Variants in CFAP20DC observed in about 807,000 individuals in gnomAD.
CFAP20DC encodes protein CFAP20DC.
CFAP20DC carries 84 observed loss-of-function variants against 101.7 expected under a neutral mutation model. The observed-to-expected ratio is 0.83, with a 90% CI of 0.69 to 0.99. The LOEUF (loss-of-function observed/expected upper bound fraction) is 0.99. Among genes scored for constraint, CFAP20DC ranks in the 50% least tolerant of loss-of-function variants. The pLI is 0.00. For synonymous variants in CFAP20DC, 359 were observed against 351.2 expected, an observed-to-expected ratio of 1.02 and a Z score of -0.25; for missense variants, 1,007 against 970.3, an observed-to-expected ratio of 1.04 and a Z score of -0.50.
rs2082533125 is a variant in CFAP20DC, at chr3:58,894,743, A to C, written c.551-10034T>G. ...GAGTCTGTGTGGTGGCTCCAATCCC[A>C]CATTTCCCTTCTGCACTGCCCTAGC... On this transcript the variant is annotated intron_variant, in intron 6 of 16. Coordinates refer to ENST00000482387, the MANE Select transcript of CFAP20DC (RefSeq NM_001394063.1). The surrounding 1 kb of genome is among the most constrained non-coding windows in gnomAD (Gnocchi z 4.1). Among the ~76,000 whole-genome samples, 2 of 152,150 alleles carry C rather than the reference A, an allele frequency of 1.3e-5. No homozygotes were observed. The highest frequency in any genetic ancestry group is 4.8e-5 in the African/African-American group (2 of 41,446).
At chr3:58,754,934 G>A (rs2068829279) in intron 15 of CFAP20DC, among the ~76,000 whole-genome samples, 1 of 152,122 alleles carries the variant, frequency 6.6e-6, no homozygotes, top group Non-Finnish European at 1.5e-5. Context: ...TACAGAATTA[G>A]CACTCAATAA....
intron 15 of CFAP20DC, among the ~76,000 whole-genome samples, chr3:58,760,824 T>C (rs2069498015): frequency 6.6e-6 from 1 of 152,240 alleles, no homozygotes; most frequent in Non-Finnish European, 1.5e-5. Flanking sequence ...TCTGTTTACA[T>C]GCTGGATTAC....
rs115479260 is a variant in CFAP20DC, at chr3:58,831,939, G to A, written c.1972-50C>T. 308 of 1,515,170 alleles carry A rather than the reference G, an allele frequency of 2.0e-4. 2 individuals carry two copies. The African/African-American group carries it at 3.6e-3, about 17-fold the overall frequency. 93.9% of individuals were successfully genotyped at this position (1,515,170 alleles called of 1,614,324 possible). ...AAAGGGTCATTTGGCCTAATTCTACGGCTACTAACAAATGCCACAGCCTTA... is the reference window on the plus strand; with the variant it reads ...AAAGGGTCATTTGGCCTAATTCTACAGCTACTAACAAATGCCACAGCCTTA... On this transcript the variant is annotated intron_variant, in intron 13 of 16. Coordinates refer to ENST00000482387, the MANE Select transcript of CFAP20DC (RefSeq NM_001394063.1).
chr3:58,743,866 C>T (rs568623509), intron 16 of CFAP20DC, among the ~76,000 whole-genome samples: 2 of 152,240 alleles, frequency 1.3e-5, no homozygotes, highest in South Asian at 4.1e-4. Context: ...TAAAACTGTA[C>T]CACAGCCACT....
chr3:58,919,584 A>G (rs1019899897), intron 5 of CFAP20DC, among the ~76,000 whole-genome samples: 1 of 152,242 alleles, frequency 6.6e-6, no homozygotes, highest in Non-Finnish European at 1.5e-5. Context: ...TCTACGGATC[A>G]ATATAGAGAG....
chr3:58,989,802 A>G (rs1477487767), intron 4 of CFAP20DC, among the ~76,000 whole-genome samples: 1 of 152,188 alleles, frequency 6.6e-6, no homozygotes, highest in East Asian at 1.9e-4. Context: ...TGCTTACCAT[A>G]TATGGCTTCA....
intron 15 of CFAP20DC, among the ~76,000 whole-genome samples, chr3:58,791,416 T>C (rs2072842909): frequency 6.6e-6 from 1 of 152,174 alleles, no homozygotes; most frequent in Non-Finnish European, 1.5e-5. Context: ...ACTAATGTCA[T>C]AAGGATATAA....
chr3:58,989,217 T>C (rs779267857), intron 4 of CFAP20DC, among the ~76,000 whole-genome samples: 1 of 152,126 alleles, frequency 6.6e-6, no homozygotes, highest in Non-Finnish European at 1.5e-5. Flanking sequence ...CAGATGATGA[T>C]GTATAAGACA....
chr3:58,982,579 C>T (rs1421234156), intron 4 of CFAP20DC, among the ~76,000 whole-genome samples: 1 of 151,230 alleles, frequency 6.6e-6, no homozygotes, highest in African/African-American at 2.4e-5. Flanking sequence ...AACTGGAAAC[C>T]ATTATTCTAA....
intron 6 of CFAP20DC, among the ~76,000 whole-genome samples, chr3:58,900,865 C>G (rs2083087668): frequency 6.6e-6 from 1 of 152,144 alleles, no homozygotes; most frequent in South Asian, 2.1e-4. Context: ...TGTTTAATAT[C>G]TTTGAAGAGG....
chr3:58,823,591 C>T (rs188261027), intron 14 of CFAP20DC, among the ~76,000 whole-genome samples: 1 of 152,108 alleles, frequency 6.6e-6, no homozygotes, highest in East Asian at 1.9e-4. Context: ...GGGTATTAAC[C>T]CAGGATCGTG....
Position 58,890,818 on chromosome 3 carries a change from C to T in CFAP20DC, c.551-6109G>A, listed in dbSNP as rs1396422541. On this transcript the variant is annotated intron_variant, in intron 6 of 16. Transcript: ENST00000482387. ...CGGGGCAGAGGCGCTCCCCACATCT[C>T]AGACGATGGGCCGCCGGGCAGAGAC... Among the ~76,000 whole-genome samples the T allele has an allele frequency of 2.0e-5, 3 of 149,234 alleles. No individual in the cohort carries two copies. The East Asian group carries it at 6.0e-4, about 30-fold the overall frequency.
chr3:58,878,925 G>A (rs531654359), intron 7 of CFAP20DC, among the ~76,000 whole-genome samples: 49 of 151,936 alleles, frequency 3.2e-4, no homozygotes, highest in Non-Finnish European at 6.6e-4. Context: ...GGAGAACGGC[G>A]TGAACCCGGG....
chr3:58,762,648 T>C (rs1261621359), intron 15 of CFAP20DC, among the ~76,000 whole-genome samples: 1 of 152,248 alleles, frequency 6.6e-6, no homozygotes, highest in Non-Finnish European at 1.5e-5. Context: ...GTCTTTACAA[T>C]TTGTCATGTT....
chr3:59,017,744 T>C (rs1312646594), intron 4 of CFAP20DC: 1 of 152,128 alleles, frequency 6.6e-6, no homozygotes, highest in Admixed American at 6.6e-5. Context: ...AAAATCCAAC[T>C]TGAGCTAGTT....
intron 5 of CFAP20DC, among the ~76,000 whole-genome samples, chr3:58,917,376 C>G (rs183868289): frequency 6.6e-6 from 1 of 152,114 alleles, no homozygotes; most frequent in South Asian, 2.1e-4. Context: ...CTATTCTCTG[C>G]CATTACTATA....
intron 13 of CFAP20DC, among the ~76,000 whole-genome samples, chr3:58,842,143 T>C (rs555693090): frequency 1.3e-5 from 2 of 152,194 alleles, no homozygotes; most frequent in African/African-American, 4.8e-5. Flanking sequence ...TCCTTAAGAA[T>C]TACCAGTACT....
At chr3:58,917,437 T>C (rs2084858479) in intron 5 of CFAP20DC, among the ~76,000 whole-genome samples, 1 of 152,158 alleles carries the variant, frequency 6.6e-6, no homozygotes, top group African/African-American at 2.4e-5. Flanking sequence ...AAAAGCCTGT[T>C]TTACTAACAG....
chr3:59,003,080 C>T (rs919729439), intron 4 of CFAP20DC, among the ~76,000 whole-genome samples: 2 of 152,072 alleles, frequency 1.3e-5, no homozygotes, highest in Admixed American at 1.3e-4. Flanking sequence ...TGATTAATCA[C>T]ACTAAAAATG....
Sources: allele counts gnomAD v4.1 joint callset (sites outside exome capture counted in the v4.1 genomes callset), GRCh38; gene constraint gnomAD v4.1.1; non-coding constraint Gnocchi (gnomAD v3.1); transcripts MANE v1.5; gene names NCBI Gene and HGNC (gene_info 2026-07-23, HGNC 2026-07-21).